CDH12: variants seen among roughly 807,000 people sequenced by gnomAD.
CDH12 encodes the protein cadherin 12.
In CDH12, 41 loss-of-function variants were observed where a neutral mutation model predicts 74.1. The observed-to-expected ratio is 0.55, with a 90% CI of 0.43 to 0.72. The LOEUF (loss-of-function observed/expected upper bound fraction) is 0.72. CDH12 is among the 30% of genes least tolerant of loss of function. CDH12 has a pLI of 0.00. For missense variants in CDH12, 945 were observed against 977.2 expected, an observed-to-expected ratio of 0.97 and a Z score of 0.44; for synonymous variants, 399 against 355.0, an observed-to-expected ratio of 1.12 and a Z score of -1.39.
At chr5:21,916,533 A>G (rs1754103309) in intron 6 of CDH12, among the ~76,000 whole-genome samples, 1 of 150,678 alleles carries the variant, frequency 6.6e-6, no homozygotes, top group Non-Finnish European at 1.5e-5. Context: ...TTGGCAGATT[A>G]GGCCTATTGG....
chr5:22,820,499 AAAG>A (rs1387202293), intron 1 of CDH12, among the ~76,000 whole-genome samples: 2 of 152,184 alleles, frequency 1.3e-5, no homozygotes, highest in Non-Finnish European at 2.9e-5. Flanking sequence ...CAAGACTAAT[AAAG>A]AAGAAAAGAG....
chr5:22,102,679 AATAAATAAATAAATAC>A (rs1340837933), intron 4 of CDH12, among the ~76,000 whole-genome samples: 1 of 151,834 alleles, frequency 6.6e-6, no homozygotes, highest in African/African-American at 2.4e-5. Context: ...TAAATAAATA[AATAAATAAATAAATAC>A]ATAAATAAAT....
intron 5 of CDH12, among the ~76,000 whole-genome samples, chr5:22,040,945 A>G (rs1343839483): frequency 1.3e-5 from 2 of 152,168 alleles, no homozygotes; most frequent in East Asian, 1.9e-4. Context: ...ATATATACAT[A>G]TATACATACA....
At chr5:22,457,585 A>G (rs575737608) in intron 2 of CDH12, among the ~76,000 whole-genome samples, 251 of 135,770 alleles carry the variant, frequency 1.8e-3, no homozygotes, top group African/African-American at 6.9e-3. Flanking sequence ...ATGCCCAACT[A>G]ATTTTTTTTT....
chr5:22,293,710 A>G (rs1737503007), intron 3 of CDH12, among the ~76,000 whole-genome samples: 1 of 152,164 alleles, frequency 6.6e-6, no homozygotes, highest in Admixed American at 6.5e-5. Flanking sequence ...ATGAACCTGG[A>G]GGCCATTATT....
intron 1 of CDH12, among the ~76,000 whole-genome samples, chr5:22,732,910 A>G (rs937601488): frequency 4.0e-5 from 6 of 151,884 alleles, no homozygotes; most frequent in Admixed American, 2.6e-4. Context: ...GCCCCAGAAA[A>G]CTAATATACC....
At chr5:22,336,590 C>T (rs1185808535) in intron 3 of CDH12, among the ~76,000 whole-genome samples, 6 of 152,226 alleles carry the variant, frequency 3.9e-5, no homozygotes, top group Admixed American at 3.9e-4. Flanking sequence ...TGGGCCATGG[C>T]TTCAGAGGGT....
chr5:22,005,876 T>A (rs574125483), intron 5 of CDH12, among the ~76,000 whole-genome samples: 8 of 152,324 alleles, frequency 5.3e-5, no homozygotes, highest in Middle Eastern at 3.4e-3. Context: ...GGTTTTCAAA[T>A]GTATTCAAAC....
At chr5:22,271,030 AT>A (rs1271294400) in intron 3 of CDH12, among the ~76,000 whole-genome samples, 7 of 151,984 alleles carry the variant, frequency 4.6e-5, no homozygotes, top group Non-Finnish European at 1.0e-4. Context: ...TGGAAAAAAT[AT>A]TTTTATATAC....
At chr5:22,546,784 T>C (rs1243177916) in intron 1 of CDH12, among the ~76,000 whole-genome samples, 1 of 152,144 alleles carries the variant, frequency 6.6e-6, no homozygotes, top group Non-Finnish European at 1.5e-5. Context: ...TTGAAAGCCT[T>C]TTGCATGGTG....
rs1354029880 is a variant in CDH12 at position 22,098,812 on chromosome 5, G to C, written c.-186-19950C>G. On this transcript the variant is annotated intron_variant, in intron 4 of 14. Transcript: ENST00000382254. ...CTTTCCTGTTCCTCACCCTGATTAT[G>C]GCTTGATTTATTGATAGCAGTTCCA... Among the ~76,000 whole-genome samples, 17 of 152,200 alleles carry C rather than the reference G, an allele frequency of 1.1e-4. No homozygotes were observed. The South Asian group carries it at 2.9e-3, about 26-fold the overall frequency.
chr5:21,916,910 C>T (rs145753268), intron 6 of CDH12, among the ~76,000 whole-genome samples: 98 of 152,270 alleles, frequency 6.4e-4, no homozygotes, highest in African/African-American at 2.1e-3. Flanking sequence ...TATCTGTGGA[C>T]ATTCTTAGTA....
At chr5:22,400,247 T>C (rs183504891) in intron 3 of CDH12, among the ~76,000 whole-genome samples, 1 of 152,276 alleles carries the variant, frequency 6.6e-6, no homozygotes, top group African/African-American at 2.4e-5. Context: ...ATTGTATGCT[T>C]CTTTAAATTA....
At chr5:22,605,024 A>G (rs1473079876) in intron 1 of CDH12, among the ~76,000 whole-genome samples, 1 of 151,738 alleles carries the variant, frequency 6.6e-6, no homozygotes, top group Non-Finnish European at 1.5e-5. Flanking sequence ...ATCAACTTGG[A>G]CATTGTTTTT....
At chr5:21,950,979 G>T (rs1274534212) in intron 6 of CDH12, among the ~76,000 whole-genome samples, 1 of 151,206 alleles carries the variant, frequency 6.6e-6, no homozygotes, top group Non-Finnish European at 1.5e-5. Flanking sequence ...AGTAGAGACG[G>T]GGTTTCACCG....
chr5:22,063,920 C>A (rs911300494), intron 5 of CDH12, among the ~76,000 whole-genome samples: 1 of 151,758 alleles, frequency 6.6e-6, no homozygotes, highest in African/African-American at 2.4e-5. Context: ...TGCTCCTTCA[C>A]GATTACATGA....
At chr5:21,893,978 G>C (rs1225403849) in intron 6 of CDH12, among the ~76,000 whole-genome samples, 1 of 152,144 alleles carries the variant, frequency 6.6e-6, no homozygotes, top group Non-Finnish European at 1.5e-5. Flanking sequence ...ACCATTTACA[G>C]TATTTAACGC....
chr5:22,415,238 A>G (rs1355868484), intron 2 of CDH12, among the ~76,000 whole-genome samples: 1 of 151,942 alleles, frequency 6.6e-6, no homozygotes, highest in East Asian at 1.9e-4. Flanking sequence ...TTTTTTTTTG[A>G]AAATTGACAC....
At chr5:22,112,922 G>A (rs1744894997) in intron 4 of CDH12, among the ~76,000 whole-genome samples, 2 of 152,108 alleles carry the variant, frequency 1.3e-5, no homozygotes, top group African/African-American at 4.8e-5. Context: ...GAGAATATAA[G>A]CAAAGAGATG....
Sources: allele counts gnomAD v4.1 joint callset (sites outside exome capture counted in the v4.1 genomes callset), GRCh38; gene constraint gnomAD v4.1.1; transcripts MANE v1.5; gene names NCBI Gene and HGNC (gene_info 2026-07-23, HGNC 2026-07-21).